The following PTPRN2 variants were observed in gnomAD, a reference collection of about 807,000 sequenced individuals.
The protein encoded by PTPRN2 is receptor-type tyrosine-protein phosphatase N2.
Under a neutral mutation model 118.8 loss-of-function variants are expected in PTPRN2, and 74 were observed. The observed-to-expected ratio is 0.62, with a 90% CI of 0.52 to 0.76. The LOEUF (loss-of-function observed/expected upper bound fraction) is 0.76, where lower values mean the gene tolerates loss of function less well. Among genes scored for constraint, PTPRN2 ranks in the 30% least tolerant of loss-of-function variants. The probability of loss-of-function intolerance (pLI) is 0.00; values close to 1 mark genes in which losing one functional copy is unlikely to be tolerated. For synonymous variants in PTPRN2, 641 were observed against 608.0 expected (o/e 1.05, Z -0.80); for missense variants, 1,481 against 1,394.4 (o/e 1.06, Z -0.99).
chr7:157,935,448 C>A (rs532436032), intron 11 of PTPRN2, among the ~76,000 whole-genome samples: 1 of 152,060 alleles, frequency 6.6e-6, no homozygotes, highest in East Asian at 1.9e-4. Flanking sequence ...TCCCATCTTA[C>A]AAGCTCTCCT....
chr7:158,026,560 G>T (rs1000786052), intron 11 of PTPRN2, among the ~76,000 whole-genome samples: 25 of 152,186 alleles, frequency 1.6e-4, no homozygotes, highest in Admixed American at 1.4e-3. Flanking sequence ...TGTGTTCATA[G>T]TTCTTACATA....
intron 2 of PTPRN2, among the ~76,000 whole-genome samples, chr7:158,439,480 A>G (rs1416132774): frequency 1.3e-5 from 2 of 152,214 alleles, no homozygotes; most frequent in African/African-American, 4.8e-5. Flanking sequence ...GAAGTGGGGA[A>G]GAGAGAAGAA....
At chr7:158,238,279 T>C (rs1411332773) in intron 3 of PTPRN2, among the ~76,000 whole-genome samples, 2 of 152,082 alleles carry the variant, frequency 1.3e-5, no homozygotes, top group African/African-American at 4.8e-5. Context: ...GCACACCTGA[T>C]GGCCATCGCA....
At chr7:157,773,245 C>T (rs992461447) in intron 12 of PTPRN2, among the ~76,000 whole-genome samples, 5 of 152,194 alleles carry the variant, frequency 3.3e-5, no homozygotes, top group African/African-American at 7.2e-5. Context: ...GGTCATGCTC[C>T]GGCTGGCCTT....
chr7:157,829,331 T>A (rs1417302556), intron 12 of PTPRN2, among the ~76,000 whole-genome samples: 1 of 152,148 alleles, frequency 6.6e-6, no homozygotes, highest in Admixed American at 6.5e-5. Context: ...TCGCCACTGA[T>A]CAAACACTCG....
chr7:158,417,950 C>T (rs12538060), intron 2 of PTPRN2, among the ~76,000 whole-genome samples: 46,302 of 134,454 alleles, frequency 0.34, 3,466 homozygotes, highest in Non-Finnish European at 0.39. Context: ...TCATGGTGTA[C>T]TACATCGAGA....
In PTPRN2 at chr7:157,560,961, T is replaced by G. The variant is rs1799157615; in HGVS notation, c.2902+7941A>C. ...TGAGCCTCATGCACCTGCACCTCCT[T>G]CTCTTGGTGCCTGCGCCCAAATGTG... On this transcript the variant is annotated intron_variant, in intron 21 of 22. Coordinates refer to ENST00000389418, the MANE Select transcript of PTPRN2 (RefSeq NM_002847.5). This position sits in a 1 kb window ranked among gnomAD's most constrained non-coding sequence, Gnocchi z 6.7. 6.6e-6 allele frequency among the ~76,000 whole-genome samples: 1 copy of G among 152,078 alleles called. No individual in the cohort carries two copies. The highest frequency in any genetic ancestry group is 2.1e-4 in the South Asian group (1 of 4,822).
At chr7:157,796,749 C>T (rs1029856282) in intron 12 of PTPRN2, among the ~76,000 whole-genome samples, 4 of 152,154 alleles carry the variant, frequency 2.6e-5, no homozygotes, top group African/African-American at 9.7e-5. Context: ...GAAGCAATCT[C>T]GTCCCACGGT....
intron 12 of PTPRN2, among the ~76,000 whole-genome samples, chr7:157,727,841 C>T (rs1799685529): frequency 6.6e-6 from 1 of 152,202 alleles, no homozygotes; most frequent in African/African-American, 2.4e-5. Context: ...CCTGAAGCTG[C>T]AGCAGCCCCT....
chr7:158,413,816 C>CTGA (rs1814402060), intron 2 of PTPRN2, among the ~76,000 whole-genome samples: 1 of 152,196 alleles, frequency 6.6e-6, no homozygotes, highest in African/African-American at 2.4e-5. Context: ...CTGACCCAGC[C>CTGA]TTTTCAGCTC....
At chr7:158,070,983 G>GTGGTGGTGGAGGTGCTCA (rs1350968679) in intron 11 of PTPRN2, among the ~76,000 whole-genome samples, 2 of 86,626 alleles carry the variant, frequency 2.3e-5, no homozygotes, top group East Asian at 3.2e-4. Context: ...GGAGGTGCCC[G>GTGGTGGTGGAGGTGCTCA]TGGTGGTGGA....
intron 2 of PTPRN2, among the ~76,000 whole-genome samples, chr7:158,318,046 C>T (rs1209946544): frequency 1.3e-5 from 2 of 152,164 alleles, no homozygotes; most frequent in African/African-American, 2.4e-5. Context: ...CGTTTCCCTC[C>T]GTGCAGCCCG....
chr7:157,758,091 C>G (rs1001965609), intron 12 of PTPRN2, among the ~76,000 whole-genome samples: 10 of 152,176 alleles, frequency 6.6e-5, no homozygotes, highest in Admixed American at 1.3e-4. Context: ...AGGGGACGCG[C>G]GGGATTGACG....
chr7:158,019,449 T>C (rs1806703484), intron 11 of PTPRN2, among the ~76,000 whole-genome samples: 1 of 152,226 alleles, frequency 6.6e-6, no homozygotes, highest in South Asian at 2.1e-4. Flanking sequence ...GGAGTGACCG[T>C]GTCAGACAGC....
intron 3 of PTPRN2, among the ~76,000 whole-genome samples, chr7:158,220,881 CAA>C (rs201797228): frequency 7.9e-5 from 10 of 126,694 alleles, no homozygotes; most frequent in Non-Finnish European, 1.0e-4. Context: ...CATATGGATC[CAA>C]AAAAAAAAAA....
At chr7:157,540,810 T>A (rs754221085) in intron 22 of PTPRN2, 25 bp from the exon 23 acceptor site, 43 of 1,539,894 alleles carry the variant, frequency 2.8e-5, no homozygotes, top group East Asian at 7.3e-5. Context: ...ACGAGAGAAG[T>A]GCCAATGAGA....
At chr7:158,232,485 C>T (rs1829223893) in intron 3 of PTPRN2, among the ~76,000 whole-genome samples, 1 of 152,076 alleles carries the variant, frequency 6.6e-6, no homozygotes, top group Admixed American at 6.5e-5. Context: ...AGCCCAGGAC[C>T]TGATGCCTTC....
intron 12 of PTPRN2, among the ~76,000 whole-genome samples, chr7:157,872,254 T>C (rs371849963): frequency 0.013 from 740 of 57,370 alleles, 1 homozygote; most frequent in African/African-American, 0.046. Flanking sequence ...CACACACATA[T>C]CCAGTGTCCT....
intron 5 of PTPRN2, among the ~76,000 whole-genome samples, chr7:158,176,812 TA>T (rs1459887651): frequency 6.6e-6 from 1 of 152,196 alleles, no homozygotes; most frequent in Non-Finnish European, 1.5e-5. Context: ...GGCAAACTTT[TA>T]AAAAACTCAA....
Sources: gnomAD v4.1 joint callset for allele counts (sites outside exome capture counted in the v4.1 genomes callset) on GRCh38, gnomAD v4.1.1 for gene constraint, Gnocchi (gnomAD v3.1) non-coding constraint, MANE v1.5 for transcripts, NCBI Gene and HGNC (gene_info 2026-07-23, HGNC 2026-07-21) for gene names.